The following PCSK6 variants were observed in gnomAD, a reference collection of about 807,000 sequenced individuals.
PCSK6 encodes paired basic amino acid cleaving enzyme 4.
A neutral mutation model predicts 123.3 loss-of-function variants in PCSK6; 85 were observed. The observed-to-expected ratio is 0.69, with a 90% CI of 0.58 to 0.83. The LOEUF is 0.83. Among genes scored for constraint, PCSK6 ranks in the 40% least tolerant of loss-of-function variants. The pLI is 0.00. For synonymous variants in PCSK6, 508 were observed against 516.0 expected (o/e 0.98, Z 0.21); for missense variants, 1,191 against 1,282.3 (o/e 0.93, Z 1.09).
intron 1 of PCSK6, among the ~76,000 whole-genome samples, chr15:101,482,684 T>A (rs1436905599): frequency 1.3e-5 from 2 of 152,134 alleles, no homozygotes; most frequent in East Asian, 3.9e-4. Context: ...CCCCAGCCCA[T>A]CGACAGCTCC....
intron 1 of PCSK6, among the ~76,000 whole-genome samples, chr15:101,454,741 T>TA (rs531575701): frequency 2.0e-5 from 3 of 151,956 alleles, no homozygotes; most frequent in East Asian, 1.9e-4. Context: ...GGTCAGGAGT[T>TA]AGAGACCAGC....
chr15:101,468,490 C>A (rs2057520894), intron 1 of PCSK6, among the ~76,000 whole-genome samples: 1 of 152,186 alleles, frequency 6.6e-6, no homozygotes, highest in Non-Finnish European at 1.5e-5. Flanking sequence ...CCATTTCCAG[C>A]AGGAGCTTTT....
chr15:101,304,067 G>A lies in PCSK6; in HGVS notation c.*1191C>T, dbSNP rs1804116. 7.4e-3 allele frequency: 1,137 copies of A among 152,674 alleles called. 45 individuals are homozygous for A. The East Asian group carries it at 0.098, about 13-fold the overall frequency. The allele number at this position is 152,674 out of a possible 1,614,324, so 9.5% of individuals were successfully genotyped here. On this transcript the variant is annotated 3_prime_UTR_variant, in exon 22 of 22. Coordinates refer to ENST00000611716, the MANE Select transcript of PCSK6 (RefSeq NM_002570.5). Reference sequence around the variant, plus strand: ...CAGGTGACAAGGCAAATGCACTGTCGTCAAACAGGGGAGCAGGACAATATG... The same window carrying A: ...CAGGTGACAAGGCAAATGCACTGTCATCAAACAGGGGAGCAGGACAATATG...
intron 13 of PCSK6, among the ~76,000 whole-genome samples, chr15:101,343,525 T>C (rs974168868): frequency 5.3e-5 from 8 of 152,198 alleles, no homozygotes; most frequent in Non-Finnish European, 8.8e-5. Flanking sequence ...TCTTCCTTAT[T>C]TGAATATGTA....
rs759298704 is a variant in PCSK6 at position 101,370,398 on chromosome 15, C to T, written c.1658G>A (p.Arg553Gln). Residue 553 changes from arginine to glutamine, a missense_variant, in exon 12 of 22, where the codon CGA becomes CAA. This residue lies in a region of PCSK6 where 630 missense variants were observed against 631.4 expected (regional missense o/e 1.00). Coordinates refer to ENST00000611716, the MANE Select transcript of PCSK6 (RefSeq NM_002570.5). ...VVRTSISHPR[R>Q]GDLQIYLVSP... Reference sequence around the variant, plus strand: ...AACCAGGTAGATCTGGAGGTCTCCTCGGCGTGGGTGTGAGATGGAGGTGCG... The same window carrying T: ...AACCAGGTAGATCTGGAGGTCTCCTTGGCGTGGGTGTGAGATGGAGGTGCG... The T allele has an allele frequency of 1.2e-5, 19 of 1,553,172 alleles. No individual in the cohort carries two copies. The highest frequency in any genetic ancestry group is 9.7e-5 in the East Asian group (4 of 41,036).
At chr15:101,447,619 G>T (rs2056924375) in intron 1 of PCSK6, among the ~76,000 whole-genome samples, 2 of 152,234 alleles carry the variant, frequency 1.3e-5, no homozygotes, top group South Asian at 4.1e-4. Flanking sequence ...GACTCAGGAA[G>T]GGGGCGGCCT....
chr15:101,458,001 C>G (rs2057234232), intron 1 of PCSK6, among the ~76,000 whole-genome samples: 1 of 152,180 alleles, frequency 6.6e-6, no homozygotes, highest in African/African-American at 2.4e-5. Context: ...CTGCAATACC[C>G]TCACAGATGG....
At position 101,347,862 on chromosome 15, in the gene PCSK6, G is replaced by C. The variant is rs114691352; in HGVS notation, c.1859-15831C>G. The C allele has an allele frequency of 1.9e-3, 2,015 of 1,036,826 alleles. 34 individuals are homozygous for C. The African/African-American group carries it at 0.028, about 14-fold the overall frequency. 64.2% of individuals were successfully genotyped at this position (1,036,826 alleles called of 1,614,324 possible). ...CCCAGGGCAACAGGAGTGGAGGGCAGCAGGAGGAAGCGCCCGGGGTTGACA... is the reference window on the plus strand; with the variant it reads ...CCCAGGGCAACAGGAGTGGAGGGCACCAGGAGGAAGCGCCCGGGGTTGACA... On this transcript the variant is annotated intron_variant, in intron 13 of 21. Coordinates refer to ENST00000611716, the MANE Select transcript of PCSK6 (RefSeq NM_002570.5).
chr15:101,369,052 G>C (rs1164386061), intron 12 of PCSK6, among the ~76,000 whole-genome samples: 1 of 152,118 alleles, frequency 6.6e-6, no homozygotes, highest in African/African-American at 2.4e-5. Context: ...AAAGGAGAAT[G>C]TGGGATGGGC....
In PCSK6 at chr15:101,443,676, CA is replaced by C; in HGVS notation, c.298-17del. The C allele has an allele frequency of 1.3e-6, 2 of 1,570,358 alleles. No individual in the cohort carries two copies. Among genetic ancestry groups the C allele is most frequent in the Non-Finnish European group, 1.8e-6 (2 of 1,140,252 alleles). On this transcript the variant is annotated splice_polypyrimidine_tract_variant and intron_variant, in intron 1 of 21. Transcript: ENST00000611716. ...GGTTTCCAATCTGCAAGACAAGAAG[CA>C]GAATGCCATCAATTAATAGTCTCAC...
At position 101,398,603 on chromosome 15, in the gene PCSK6, C is replaced by A; in HGVS notation, c.824-27G>T. The stretch of plus-strand genomic sequence containing the variant: ...TGAAAGCACAGAGGAGGCTCGGTGT[C>A]GGCGCCCAGGCTCCGGGCACACAGC... On this transcript the variant is annotated intron_variant, in intron 6 of 21. Coordinates refer to ENST00000611716, the MANE Select transcript of PCSK6 (RefSeq NM_002570.5). The surrounding 1 kb of genome is among the most constrained non-coding windows in gnomAD (Gnocchi z 4.6). The A allele has an allele frequency of 6.3e-7, 1 of 1,593,526 alleles. No homozygotes were observed. Among genetic ancestry groups the A allele is most frequent in the South Asian group, 1.1e-5 (1 of 90,376 alleles).
rs543111229 is a variant in PCSK6 at position 101,368,809 on chromosome 15, G to A, written c.1721+1526C>T. The stretch of plus-strand genomic sequence containing the variant: ...GTGCACGCAGGAACACGGGGCTGGT[G>A]TCAGACAGCTTCCAACTTTCCAAGA... On this transcript the variant is annotated intron_variant, in intron 12 of 21. Transcript: ENST00000611716. Among the ~76,000 whole-genome samples the A allele has an allele frequency of 4.6e-5, 7 of 152,332 alleles. No individual in the cohort carries two copies. The East Asian group carries it at 1.4e-3, about 29-fold the overall frequency.
intron 13 of PCSK6, among the ~76,000 whole-genome samples, chr15:101,362,494 G>C (rs1401354548): frequency 1.3e-5 from 2 of 152,160 alleles, no homozygotes; most frequent in African/African-American, 4.8e-5. Context: ...GGACCCAGGA[G>C]TGCGTGCAGG....
At chr15:101,477,249 G>A (rs2057755658) in intron 1 of PCSK6, among the ~76,000 whole-genome samples, 1 of 150,550 alleles carries the variant, frequency 6.6e-6, no homozygotes. Context: ...GTGTGCGTGT[G>A]TGTGTGTGTC....
intron 1 of PCSK6, among the ~76,000 whole-genome samples, chr15:101,459,169 C>G (rs1372058177): frequency 6.6e-6 from 1 of 152,110 alleles, no homozygotes; most frequent in Non-Finnish European, 1.5e-5. Flanking sequence ...ATTTTGAAGC[C>G]AAAACAAGGG....
At chr15:101,352,208 T>C (rs1430735710) in intron 13 of PCSK6, among the ~76,000 whole-genome samples, 1 of 139,420 alleles carries the variant, frequency 7.2e-6, no homozygotes, top group Non-Finnish European at 1.5e-5. Context: ...AGTGCAGTGG[T>C]GCAATCTCAG....
At chr15:101,389,136 C>T (rs1006791250) in intron 9 of PCSK6, among the ~76,000 whole-genome samples, 11 of 152,202 alleles carry the variant, frequency 7.2e-5, no homozygotes, top group African/African-American at 2.7e-4. Flanking sequence ...AAGACACCAA[C>T]CCTGCTGACA....
intron 2 of PCSK6, among the ~76,000 whole-genome samples, chr15:101,434,751 C>T (rs1407194405): frequency 6.6e-6 from 1 of 152,170 alleles, no homozygotes; most frequent in African/African-American, 2.4e-5. Context: ...GGGGCTTCTC[C>T]GTGGAGACGG....
Position 101,379,223 on chromosome 15 carries a change from A to G in PCSK6, c.1532+2869T>C, listed in dbSNP as rs553503143. On this transcript the variant is annotated intron_variant, in intron 11 of 21. Transcript: ENST00000611716. ...GCCATGAGGACAGTCTCCCTGAACC[A>G]TGGCCATATTCCAGCCCACGGCTGG... Among the ~76,000 whole-genome samples, 27 of 152,338 alleles carry G rather than the reference A, an allele frequency of 1.8e-4. No individual in the cohort carries two copies. The South Asian group carries it at 5.4e-3, about 30-fold the overall frequency.
Sources: allele counts gnomAD v4.1 joint callset (sites outside exome capture counted in the v4.1 genomes callset), GRCh38; gene constraint gnomAD v4.1.1; regional missense constraint gnomAD v4.1.1; non-coding constraint Gnocchi (gnomAD v3.1); transcripts MANE v1.5; gene names NCBI Gene and HGNC (gene_info 2026-07-23, HGNC 2026-07-21).